Variants in POLA1 observed in about 807,000 individuals in gnomAD.
The protein encoded by POLA1 is DNA polymerase alpha 1, catalytic subunit.
A neutral mutation model predicts 124.0 loss-of-function variants in POLA1; 15 were observed. The observed-to-expected ratio is 0.12, with a 90% CI of 0.08 to 0.19. The LOEUF is 0.19. POLA1 is among the 10% of genes least tolerant of loss of function. POLA1 has a pLI of 1.00. For synonymous variants in POLA1, 408 were observed against 389.4 expected (o/e 1.05, Z -0.56); for missense variants, 886 against 1,103.4 (o/e 0.80, Z 2.79).
At chrX:24,891,843 A>T (rs2147145347) in intron 35 of POLA1, among the ~76,000 whole-genome samples, 1 of 112,079 alleles carries the variant, frequency 8.9e-6, no homozygotes, top group South Asian at 3.8e-4. Context: ...GCATTTATAA[A>T]TGCCCATTTG....
chrX:24,745,503 A>T lies in POLA1; in HGVS notation c.2652A>T (p.Thr884=). The change falls in exon 24 of 37, where the codon ACA becomes ACT. Residue 884 remains threonine, a synonymous_variant. Coordinates refer to ENST00000379068, the MANE Select transcript of POLA1 (RefSeq NM_001330360.2). ...IIQEFNICFT[T]VQRVASEAQK... is the part of the protein sequence containing the mutation. ...AGGAATTTAACATTTGTTTTACAAC[A>T]GTACAAAGAGTTGCTTCAGAGGCAC... 8.6e-7 allele frequency: 1 copy of T among 1,158,153 alleles called. No homozygotes were observed. The highest frequency in any genetic ancestry group is 3.0e-5 in the East Asian group (1 of 33,533).
At chrX:24,826,093 C>G (rs1302782404) in intron 31 of POLA1, among the ~76,000 whole-genome samples, 2 of 112,158 alleles carry the variant, frequency 1.8e-5, no homozygotes, top group Non-Finnish European at 3.8e-5. Flanking sequence ...TGTTACTAAG[C>G]CTTCTCAGTG....
At chrX:24,950,782 G>A (rs113692830) in intron 36 of POLA1, among the ~76,000 whole-genome samples, 117 of 111,840 alleles carry the variant, frequency 1.0e-3, no homozygotes, top group Admixed American at 1.9e-3. Flanking sequence ...ACATGTAGAT[G>A]ACTAAGACCA....
At chrX:24,913,993 C>T (rs754483407) in intron 35 of POLA1, among the ~76,000 whole-genome samples, 1 of 109,839 alleles carries the variant, frequency 9.1e-6, no homozygotes, top group South Asian at 4.0e-4. Flanking sequence ...GTACCATTGC[C>T]CTCCAGCCTG....
chrX:24,727,678 A>G (rs1174894912), intron 14 of POLA1, 104 bp from the exon 15 acceptor site: 3 of 604,262 alleles, frequency 5.0e-6, no homozygotes, highest in African/African-American at 4.5e-5. Context: ...TCTTATTAGA[A>G]GGCAGGGTTG....
At chrX:24,937,250 A>T (rs1165709868) in intron 36 of POLA1, among the ~76,000 whole-genome samples, 1 of 111,449 alleles carries the variant, frequency 9.0e-6, no homozygotes, top group Non-Finnish European at 1.9e-5. Flanking sequence ...TAGATATTAC[A>T]TAGGTTTAAT....
At chrX:24,912,278 A>G (rs11573469) in intron 35 of POLA1, among the ~76,000 whole-genome samples, 199 of 112,410 alleles carry the variant, frequency 1.8e-3, no homozygotes, top group African/African-American at 6.2e-3. Flanking sequence ...AGTAATGCAT[A>G]AGAGAAAATC....
chrX:24,862,705 CAA>C (rs1165382714), intron 34 of POLA1, among the ~76,000 whole-genome samples: 1 of 112,025 alleles, frequency 8.9e-6, no homozygotes, highest in African/African-American at 3.2e-5. Flanking sequence ...ACATCAGTCA[CAA>C]GAGAGAGACA....
intron 34 of POLA1, among the ~76,000 whole-genome samples, chrX:24,885,498 A>G (rs1601836085): frequency 1.8e-5 from 2 of 111,448 alleles, no homozygotes; most frequent in Admixed American, 9.5e-5. Flanking sequence ...AGAACAGACT[A>G]AACCGAAGTA....
At chrX:24,770,850 C>A (rs2045018230) in intron 26 of POLA1, among the ~76,000 whole-genome samples, 1 of 110,357 alleles carries the variant, frequency 9.1e-6, no homozygotes, top group Non-Finnish European at 1.9e-5. Context: ...AACTTGAAAT[C>A]TTCTGTGATT....
intron 35 of POLA1, among the ~76,000 whole-genome samples, chrX:24,899,008 A>G (rs757902079): frequency 1.8e-5 from 2 of 111,409 alleles, no homozygotes; most frequent in South Asian, 3.8e-4. Context: ...GAGGGCACCA[A>G]TATGCCAACC....
At chrX:24,940,352 A>G (rs546516593) in intron 36 of POLA1, among the ~76,000 whole-genome samples, 2 of 111,694 alleles carry the variant, frequency 1.8e-5, no homozygotes, top group South Asian at 7.5e-4. Flanking sequence ...TTAGAACCCA[A>G]TCTAGAGGCT....
At chrX:24,770,101 C>G (rs1470170333) in intron 26 of POLA1, among the ~76,000 whole-genome samples, 2 of 111,801 alleles carry the variant, frequency 1.8e-5, no homozygotes, top group Admixed American at 1.9e-4. Flanking sequence ...GCTATAATAG[C>G]TTTTTTGTTA....
intron 26 of POLA1, among the ~76,000 whole-genome samples, chrX:24,768,457 C>G (rs1932961451): frequency 8.9e-6 from 1 of 111,805 alleles, no homozygotes; most frequent in African/African-American, 3.3e-5. Flanking sequence ...CTTTGTGTAG[C>G]CTGTCTGTAC....
At chrX:24,888,600 G>GTTTTTTTT (rs869301308) in intron 35 of POLA1, among the ~76,000 whole-genome samples, 7 of 49,168 alleles carry the variant, frequency 1.4e-4, no homozygotes, top group Admixed American at 2.5e-4. Context: ...TTGTTTGCTT[G>GTTTTTTTT]TTTTTTTTTT....
chrX:24,858,286 G>A (rs963927376), intron 34 of POLA1, among the ~76,000 whole-genome samples: 1 of 111,900 alleles, frequency 8.9e-6, no homozygotes, highest in East Asian at 2.8e-4. Flanking sequence ...CCTAGGTGAG[G>A]AGTAGTGTGC....
chrX:24,812,636 C>G, intron 28 of POLA1, 22 bp from the exon 29 acceptor site: 1 of 966,833 alleles, frequency 1.0e-6, no homozygotes, highest in Non-Finnish European at 1.5e-6. Context: ...GAAGCTAATA[C>G]TAATATTTGA....
chrX:24,799,034 G>A (rs762535308), intron 26 of POLA1, among the ~76,000 whole-genome samples: 36 of 111,856 alleles, frequency 3.2e-4, no homozygotes, highest in African/African-American at 1.0e-3. Context: ...TTAAGAGGCC[G>A]TCTAGAAAGT....
intron 28 of POLA1, 105 bp from the exon 29 acceptor site, chrX:24,812,553 T>A (rs1300045048): frequency 2.0e-6 from 1 of 493,101 alleles, no homozygotes; most frequent in Non-Finnish European, 3.4e-6. Flanking sequence ...CAATGTTGTA[T>A]GACTTCAAAT....
Sources: gnomAD v4.1 joint callset for allele counts (sites outside exome capture counted in the v4.1 genomes callset) on GRCh38, gnomAD v4.1.1 for gene constraint, MANE v1.5 for transcripts, NCBI Gene and HGNC (gene_info 2026-07-23, HGNC 2026-07-21) for gene names.